SIPA1L3: variants seen among roughly 807,000 people sequenced by gnomAD.
The protein encoded by SIPA1L3 is signal-induced proliferation-associated 1-like protein 3.
SIPA1L3 carries 59 observed loss-of-function variants against 150.1 expected under a neutral mutation model. That is an observed-to-expected ratio of 0.39 (90% CI 0.32 to 0.49). SIPA1L3 has a LOEUF of 0.49. SIPA1L3 is among the 20% of genes least tolerant of loss of function. SIPA1L3 has a pLI of 0.86. For missense variants in SIPA1L3, 2,211 were observed against 2,489.5 expected (o/e 0.89, Z 2.38); for synonymous variants, 1,070 against 1,077.6 (o/e 0.99, Z 0.14).
intron 2 of SIPA1L3, among the ~76,000 whole-genome samples, chr19:38,048,260 C>T (rs913997435): frequency 2.0e-5 from 3 of 152,160 alleles, no homozygotes; most frequent in East Asian, 1.9e-4. Flanking sequence ...GTGATGTGTT[C>T]TAGAAGCCCA....
chr19:37,986,501 G>C (rs2145626073), intron 1 of SIPA1L3, among the ~76,000 whole-genome samples: 1 of 152,322 alleles, frequency 6.6e-6, no homozygotes, highest in South Asian at 2.1e-4. Context: ...CAGCCCCTTT[G>C]CTGGGGAAAA....
intron 1 of SIPA1L3, among the ~76,000 whole-genome samples, chr19:37,946,378 C>T (rs1204444605): frequency 6.6e-6 from 1 of 152,034 alleles, no homozygotes; most frequent in Non-Finnish European, 1.5e-5. Context: ...AGCGATCCTC[C>T]CCCATCGGCC....
At chr19:38,197,658 A>T (rs774106070) in intron 18 of SIPA1L3, among the ~76,000 whole-genome samples, 2 of 144,868 alleles carry the variant, frequency 1.4e-5, no homozygotes, top group Non-Finnish European at 3.1e-5. Flanking sequence ...CTGATCCCCC[A>T]CCCCAGCCTT....
chr19:37,914,688 A>AT lies in SIPA1L3; in HGVS notation c.-379+7336dup, dbSNP rs1490998236. 5.9e-5 allele frequency among the ~76,000 whole-genome samples: 9 copies of AT among 151,706 alleles called. No individual in the cohort carries two copies. The East Asian group carries it at 1.6e-3, about 26-fold the overall frequency. ...CACTGCAGCCGGCCACATTTTTTCT[A>AT]TTTTTTGTAGAGACCTGTTTTGCCC... On this transcript the variant is annotated intron_variant, in intron 1 of 21. Coordinates refer to ENST00000222345, the MANE Select transcript of SIPA1L3 (RefSeq NM_015073.3).
chr19:38,137,263 A>G (rs1396836040), intron 10 of SIPA1L3, among the ~76,000 whole-genome samples: 4 of 151,966 alleles, frequency 2.6e-5, no homozygotes, highest in Non-Finnish European at 5.9e-5. Flanking sequence ...ATCTCAGCTC[A>G]CTGCAACCTC....
At chr19:38,123,803 G>A (rs1193200705) in intron 9 of SIPA1L3, among the ~76,000 whole-genome samples, 1 of 121,986 alleles carries the variant, frequency 8.2e-6, no homozygotes, top group East Asian at 2.2e-4. Flanking sequence ...CGGGGTGGCG[G>A]CCGGGCAGAG....
At chr19:38,097,412 G>T (rs1374724190) in intron 4 of SIPA1L3, among the ~76,000 whole-genome samples, 1 of 152,184 alleles carries the variant, frequency 6.6e-6, no homozygotes, top group Non-Finnish European at 1.5e-5. Context: ...AGATATAAAT[G>T]ATGGTGTTGA....
intron 3 of SIPA1L3, among the ~76,000 whole-genome samples, chr19:38,084,913 T>C (rs111876135): frequency 0.019 from 2,964 of 152,152 alleles, 102 homozygotes; most frequent in African/African-American, 0.068. Context: ...GAGTTGGGAT[T>C]ACAGGCGTGA....
At position 38,081,951 on chromosome 19, in the gene SIPA1L3, C is replaced by T; in HGVS notation, c.386C>T (p.Thr129Ile). Reference sequence around the variant, plus strand: ...CAGAACGGACAGCCCCCCACCAGCACCCCGGCTTCCTCAGGGTCCAAAGCC... The same window carrying T: ...CAGAACGGACAGCCCCCCACCAGCATCCCGGCTTCCTCAGGGTCCAAAGCC... The part of the protein sequence containing the change: ...SIQNGQPPTS[T>I]PASSGSKAFH... The change falls in exon 3 of 22, where the codon ACC becomes ATC. Residue 129 changes from threonine to isoleucine, a missense_variant. This residue lies in a region of SIPA1L3 where 587 missense variants were observed against 534.5 expected (regional missense o/e 1.10). Transcript: ENST00000222345. The T allele has an allele frequency of 6.2e-7, 1 of 1,614,122 alleles. No homozygotes were observed. The highest frequency in any genetic ancestry group is 8.5e-7 in the Non-Finnish European group (1 of 1,179,968).
In SIPA1L3 at chr19:37,921,441, C is replaced by T. The variant is rs761127194; in HGVS notation, c.-379+14083C>T. 4.4e-4 allele frequency among the ~76,000 whole-genome samples: 67 copies of T among 152,164 alleles called. No individual in the cohort carries two copies. The Middle Eastern group carries it at 0.024, about 54-fold the overall frequency. ...GGTCAGATCCTGCCAGTGCTGGCGC[C>T]GTTTGTTGCATCTGATGGTGAGCTC... On this transcript the variant is annotated intron_variant, in intron 1 of 21. Transcript: ENST00000222345.
chr19:37,954,120 A>G (rs1204941625), intron 1 of SIPA1L3, among the ~76,000 whole-genome samples: 1 of 152,226 alleles, frequency 6.6e-6, no homozygotes, highest in Non-Finnish European at 1.5e-5. Flanking sequence ...AGTAAAGTAC[A>G]CAGAAGCTGA....
rs2145790296 is a variant in SIPA1L3 at position 38,066,164 on chromosome 19, C to T, written c.-310-15092C>T. Among the ~76,000 whole-genome samples the T allele has an allele frequency of 1.3e-5, 2 of 151,750 alleles. 1 individual carries two copies. Among genetic ancestry groups the T allele is most frequent in the South Asian group, 4.2e-4 (2 of 4,804 alleles). On this transcript the variant is annotated intron_variant, in intron 2 of 21. Transcript: ENST00000222345. ...AGTAGCTGGTACTATAGGCATGCAC[C>T]ACCACACCTGGCAAATTTTAAAAAA... is the stretch of plus-strand genomic sequence containing the variant.
intron 1 of SIPA1L3, among the ~76,000 whole-genome samples, chr19:38,011,283 T>A (rs1023268565): frequency 1.3e-5 from 2 of 152,120 alleles, no homozygotes; most frequent in African/African-American, 4.8e-5. Flanking sequence ...AAGACTAGCC[T>A]GGGCAACATG....
chr19:38,015,415 G>A (rs1347838698), intron 1 of SIPA1L3, among the ~76,000 whole-genome samples: 2 of 152,048 alleles, frequency 1.3e-5, no homozygotes, highest in East Asian at 1.9e-4. Flanking sequence ...GCTAATTCAG[G>A]GAAGTGTGGC....
intron 2 of SIPA1L3, among the ~76,000 whole-genome samples, chr19:38,044,197 A>G (rs921228962): frequency 6.6e-6 from 1 of 152,220 alleles, no homozygotes; most frequent in African/African-American, 2.4e-5. Flanking sequence ...GGAGTGGCAG[A>G]AGGCCTTGTG....
chr19:38,143,369 C>T (rs1971634886), intron 12 of SIPA1L3, among the ~76,000 whole-genome samples: 1 of 151,902 alleles, frequency 6.6e-6, no homozygotes, highest in African/African-American at 2.4e-5. Flanking sequence ...TGTGAATGTC[C>T]CCTTCCTCCT....
intron 2 of SIPA1L3, among the ~76,000 whole-genome samples, chr19:38,032,659 G>T (rs944656965): frequency 1.3e-5 from 2 of 152,054 alleles, no homozygotes; most frequent in African/African-American, 4.8e-5. Context: ...GGCCAACATG[G>T]TGGCCGTCTC....
chr19:38,184,809 A>G (rs1972640854), intron 16 of SIPA1L3: 1 of 152,232 alleles, frequency 6.6e-6, no homozygotes, highest in African/African-American at 2.4e-5. Flanking sequence ...AAAACTGCTT[A>G]AAAACTCAGC....
chr19:37,999,440 C>G (rs1391277678), intron 1 of SIPA1L3, among the ~76,000 whole-genome samples: 1 of 152,190 alleles, frequency 6.6e-6, no homozygotes, highest in African/African-American at 2.4e-5. Context: ...CAGTCTTGCC[C>G]ATCCTTGTTA....
Sources: gnomAD v4.1 joint callset for allele counts (sites outside exome capture counted in the v4.1 genomes callset) on GRCh38, gnomAD v4.1.1 for gene constraint, gnomAD v4.1.1 regional missense constraint, MANE v1.5 for transcripts, NCBI Gene and HGNC (gene_info 2026-07-23, HGNC 2026-07-21) for gene names.